The following GLG1 variants were observed in gnomAD, a reference collection of about 807,000 sequenced individuals.
The protein encoded by GLG1 is Golgi apparatus protein 1.
A neutral mutation model predicts 160.5 loss-of-function variants in GLG1; 38 were observed. The ratio of observed to expected loss-of-function variants is 0.24; its 90% CI spans 0.18 to 0.31. The LOEUF (loss-of-function observed/expected upper bound fraction) is 0.31. Ranked by LOEUF, GLG1 falls within the 10% of genes least tolerant of loss-of-function variation. The pLI, the probability that GLG1 is intolerant of heterozygous loss-of-function variation, is 1.00. For synonymous variants in GLG1, 644 were observed against 543.4 expected (o/e 1.19, Z -2.57); for missense variants, 1,373 against 1,505.2 (o/e 0.91, Z 1.45).
rs371138692 is a variant in GLG1 at position 74,459,755 on chromosome 16, T to C, written c.3071A>G (p.Gln1024Arg). ...SSLCAEEAAA[Q>R]EQTGQVEECL... is the part of the protein sequence containing the mutation. ...CTCCTCCACCTGACCTGTCTGCTCT[T>C]GGGCTGCTGCTTCTTCAGCACATAG... The change falls in exon 23 of 26, where the codon CAA becomes CGA. Residue 1024 changes from glutamine to arginine, a missense_variant. Gln to Arg is a conservative substitution (Grantham distance 43). Transcript: ENST00000422840. 2 of 1,609,728 alleles carry C rather than the reference T, an allele frequency of 1.2e-6. No individual in the cohort carries two copies. Among genetic ancestry groups the C allele is most frequent in the Admixed American group, 1.7e-5 (1 of 59,536 alleles).
At chr16:74,516,265 C>T (rs2016975287) in intron 2 of GLG1, among the ~76,000 whole-genome samples, 1 of 151,714 alleles carries the variant, frequency 6.6e-6, no homozygotes. Flanking sequence ...CTTTTCAGCA[C>T]CACACCACAC....
rs530235253 is a variant in GLG1, at chr16:74,596,717, A to G, written c.438+9940T>C. 1.5e-4 allele frequency among the ~76,000 whole-genome samples: 23 copies of G among 152,286 alleles called. No individual in the cohort carries two copies. The East Asian group carries it at 4.0e-3, about 27-fold the overall frequency. On this transcript the variant is annotated intron_variant, in intron 1 of 25. Coordinates refer to ENST00000422840, the MANE Select transcript of GLG1 (RefSeq NM_001145667.2). The stretch of plus-strand genomic sequence containing the variant: ...TACTTATGCTTTAGGGACAGGGGGG[A>G]AAATGAGCTATCACACAGCTGGACT...
At chr16:74,592,131 G>C (rs1389986317) in intron 1 of GLG1, among the ~76,000 whole-genome samples, 1 of 152,042 alleles carries the variant, frequency 6.6e-6, no homozygotes, top group Admixed American at 6.6e-5. Flanking sequence ...CTGGCCTTCT[G>C]TAATTTATTC....
At chr16:74,460,117 G>T (rs1348187527) in intron 22 of GLG1, among the ~76,000 whole-genome samples, 1 of 151,554 alleles carries the variant, frequency 6.6e-6, no homozygotes, top group Non-Finnish European at 1.5e-5. Context: ...TGCCTCTCAT[G>T]TTCAAGTGAT....
chr16:74,521,270 T>A (rs2017154661), intron 2 of GLG1, among the ~76,000 whole-genome samples: 1 of 152,080 alleles, frequency 6.6e-6, no homozygotes, highest in African/African-American at 2.4e-5. Flanking sequence ...TTTGGGAGTT[T>A]AATCAGTGAG....
chr16:74,557,955 T>G (rs141014413), intron 1 of GLG1, among the ~76,000 whole-genome samples: 1 of 152,228 alleles, frequency 6.6e-6, no homozygotes, highest in East Asian at 1.9e-4. Context: ...GACATACCAC[T>G]CATTTGTAAA....
intron 1 of GLG1, among the ~76,000 whole-genome samples, chr16:74,594,378 A>G (rs1958253487): frequency 6.6e-6 from 1 of 152,246 alleles, no homozygotes; most frequent in African/African-American, 2.4e-5. Context: ...TCCTGTAAAT[A>G]TCACACATTC....
intron 13 of GLG1, among the ~76,000 whole-genome samples, chr16:74,473,634 G>C (rs1482585054): frequency 6.6e-6 from 1 of 151,790 alleles, no homozygotes; most frequent in Non-Finnish European, 1.5e-5. Context: ...TACAGACGGG[G>C]TTTCACCGTG....
At chr16:74,462,879 C>T (rs74524243) in intron 20 of GLG1, 10,810 of 513,196 alleles carry the variant, frequency 0.021, 136 homozygotes, top group Middle Eastern at 0.028. Context: ...GACTCCAATA[C>T]TCTAAGGAGT....
intron 1 of GLG1, among the ~76,000 whole-genome samples, chr16:74,599,403 C>G (rs768614066): frequency 3.9e-5 from 6 of 152,170 alleles, no homozygotes; most frequent in Non-Finnish European, 8.8e-5. Context: ...TCACAAAGCA[C>G]CGGAGCTGGA....
intron 1 of GLG1, among the ~76,000 whole-genome samples, chr16:74,575,579 A>G (rs999086288): frequency 6.6e-6 from 1 of 152,082 alleles, no homozygotes; most frequent in East Asian, 1.9e-4. Flanking sequence ...ATACAGCCTC[A>G]AAGATCTCTC....
chr16:74,463,563 G>T, intron 19 of GLG1, 84 bp from the exon 20 acceptor site: 1 of 1,368,318 alleles, frequency 7.3e-7, no homozygotes, highest in Non-Finnish European at 1.0e-6. Flanking sequence ...TTCTGGAGAC[G>T]GAGTCTCACC....
intron 1 of GLG1, among the ~76,000 whole-genome samples, chr16:74,592,388 C>G (rs1026287058): frequency 6.6e-6 from 1 of 152,014 alleles, no homozygotes; most frequent in African/African-American, 2.4e-5. Context: ...AGGTGATCCA[C>G]CCGCCTTGGC....
intron 1 of GLG1, among the ~76,000 whole-genome samples, chr16:74,580,589 G>C (rs1162592543): frequency 2.0e-5 from 3 of 152,152 alleles, no homozygotes; most frequent in Non-Finnish European, 2.9e-5. Flanking sequence ...AGCAAGCATA[G>C]GAGAAAAGCT....
chr16:74,569,593 G>A (rs930130171), intron 1 of GLG1, among the ~76,000 whole-genome samples: 2 of 152,130 alleles, frequency 1.3e-5, no homozygotes, highest in African/African-American at 4.8e-5. Context: ...CATGCACAGT[G>A]GCTCACACTT....
chr16:74,514,486 C>T (rs1274379586), intron 2 of GLG1, among the ~76,000 whole-genome samples: 1 of 152,158 alleles, frequency 6.6e-6, no homozygotes, highest in Non-Finnish European at 1.5e-5. Flanking sequence ...GGCCAATATT[C>T]AACATTCTTA....
chr16:74,482,987 GA>G lies in GLG1; in HGVS notation c.1673+35del, dbSNP rs754106607. ...TTATGACTACACAGGAGAAGAGGCTGAGGCAATACATTTACTTTGGCTTCAA... is the reference window on the plus strand; with the variant it reads ...TTATGACTACACAGGAGAAGAGGCTGGGCAATACATTTACTTTGGCTTCAA... On this transcript the variant is annotated intron_variant, in intron 10 of 25. Coordinates refer to ENST00000422840, the MANE Select transcript of GLG1 (RefSeq NM_001145667.2). The G allele has an allele frequency of 4.8e-6, 5 of 1,040,538 alleles. No individual in the cohort carries two copies. The South Asian group carries it at 6.3e-5, about 13-fold the overall frequency. The allele number at this position is 1,040,538 out of a possible 1,614,324, so 64.5% of individuals were successfully genotyped here.
Position 74,503,724 on chromosome 16 carries a change from G to A in GLG1, c.581C>T (p.Pro194Leu), listed in dbSNP as rs780105388. 22 of 1,610,964 alleles carry A rather than the reference G, an allele frequency of 1.4e-5. No homozygotes were observed. Among genetic ancestry groups the A allele is most frequent in the Admixed American group, 8.3e-5 (5 of 59,978 alleles). The change falls in exon 4 of 26, where the codon CCG becomes CTG. Residue 194 changes from proline (P) to leucine (L), a missense_variant. Physicochemically the swap from Pro to Leu is moderately conservative, Grantham distance 98. Around this residue, in one of 4 missense-constraint regions of GLG1, gnomAD observed 322 missense variants for 254.6 expected, o/e 1.26. Transcript: ENST00000422840. ...GGAAACCATGTAACCTTTTCCAACCGGTTCATCAGCACATTCTTTAATCTG... is the reference window on the plus strand; with the variant it reads ...GGAAACCATGTAACCTTTTCCAACCAGTTCATCAGCACATTCTTTAATCTG... ...ITEIKECADE[P>L]VGKGYMVSCL...
At chr16:74,600,658 G>A (rs1958420334) in intron 1 of GLG1, among the ~76,000 whole-genome samples, 1 of 150,408 alleles carries the variant, frequency 6.6e-6, no homozygotes, top group South Asian at 2.1e-4. Context: ...CTTGAACCCA[G>A]GAGGCAGAGG....
Sources: gnomAD v4.1 joint callset for allele counts (sites outside exome capture counted in the v4.1 genomes callset) on GRCh38, gnomAD v4.1.1 for gene constraint, gnomAD v4.1.1 regional missense constraint, MANE v1.5 for transcripts, NCBI Gene and HGNC (gene_info 2026-07-23, HGNC 2026-07-21) for gene names.